Variants in GNB1 observed in about 807,000 individuals in gnomAD.
The protein encoded by GNB1 is G protein subunit beta 1, also known as guanine nucleotide-binding protein G(I)/G(S)/G(T) subunit beta-1.
In GNB1, 2 loss-of-function variants were observed where a neutral mutation model predicts 42.9. That is an observed-to-expected ratio of 0.05 (90% CI 0.02 to 0.15). The LOEUF is 0.15. GNB1 is among the 10% of genes least tolerant of loss of function. The probability of loss-of-function intolerance (pLI) is 1.00; values close to 1 mark genes in which losing one functional copy is unlikely to be tolerated. For synonymous variants in GNB1, 183 were observed against 174.7 expected (o/e 1.05, Z -0.38); for missense variants, 193 against 462.2 (o/e 0.42, Z 5.34).
intron 1 of GNB1, among the ~76,000 whole-genome samples, chr1:1,879,708 G>T (rs1489018448): frequency 8.4e-6 from 1 of 118,502 alleles, no homozygotes; most frequent in Non-Finnish European, 1.8e-5. Flanking sequence ...CTGTCTCAGG[G>T]AAAAAAAAAA....
intron 1 of GNB1, among the ~76,000 whole-genome samples, chr1:1,878,803 C>T (rs1400941126): frequency 6.6e-6 from 1 of 152,138 alleles, no homozygotes; most frequent in Non-Finnish European, 1.5e-5. Context: ...CAGACAGAGC[C>T]TCCCCTAGCC....
At chr1:1,852,451 C>T (rs1269350326) in intron 1 of GNB1, among the ~76,000 whole-genome samples, 4 of 151,984 alleles carry the variant, frequency 2.6e-5, no homozygotes, top group Non-Finnish European at 5.9e-5. Context: ...AGGATGGTCT[C>T]GATCTCCTGA....
rs1227111583 is a variant in GNB1, at chr1:1,786,104, A to G, written c.*959T>C. The G allele has an allele frequency of 2.5e-6, 1 of 398,502 alleles. No homozygotes were observed. The highest frequency in any genetic ancestry group is 2.1e-5 in the African/African-American group (1 of 48,600). The allele number at this position is 398,502 out of a possible 1,614,324, so 24.7% of individuals were successfully genotyped here. A position where few individuals can be genotyped will look rare whatever the true frequency, so the allele number is the denominator to read the frequency against. On this transcript the variant is annotated 3_prime_UTR_variant, in exon 12 of 12. Coordinates refer to ENST00000378609, the MANE Select transcript of GNB1 (RefSeq NM_002074.5). ...AGAAAGTCTGAGATCATTATTTTCA[A>G]AACATTGATTTGTACATTGTTTCAT...
At chr1:1,873,976 G>A (rs903259307) in intron 1 of GNB1, among the ~76,000 whole-genome samples, 1 of 152,182 alleles carries the variant, frequency 6.6e-6, no homozygotes, top group Non-Finnish European at 1.5e-5. Context: ...AGGGGACTCA[G>A]CACTTTCACA....
chr1:1,786,218 A>C lies in GNB1; in HGVS notation c.*845T>G. On this transcript the variant is annotated 3_prime_UTR_variant, in exon 12 of 12. Transcript: ENST00000378609. ...TCCTAGTTGGGGGTGGGGTAGTGTTAGGCTATTATAAACTTCCCTCCAACT... is the reference window on the plus strand; with the variant it reads ...TCCTAGTTGGGGGTGGGGTAGTGTTCGGCTATTATAAACTTCCCTCCAACT... 1 of 396,632 alleles carries C rather than the reference A, an allele frequency of 2.5e-6. No individual in the cohort carries two copies. Among genetic ancestry groups the C allele is most frequent in the Non-Finnish European group, 4.4e-6 (1 of 225,088 alleles). The allele number at this position is 396,632 out of a possible 1,614,324, so 24.6% of individuals were successfully genotyped here.
At chr1:1,836,917 G>C (rs377358847) in intron 2 of GNB1, among the ~76,000 whole-genome samples, 1 of 140,862 alleles carries the variant, frequency 7.1e-6, no homozygotes, top group South Asian at 2.2e-4. Flanking sequence ...GGATGGTATC[G>C]AACAACTGGC....
At chr1:1,809,219 A>T (rs1270703951) in intron 5 of GNB1, among the ~76,000 whole-genome samples, 2 of 129,558 alleles carry the variant, frequency 1.5e-5, no homozygotes, top group Non-Finnish European at 3.1e-5. Context: ...TTTGAGAGAG[A>T]GTCTCACTCT....
chr1:1,787,370 C>T lies in GNB1; in HGVS notation c.984G>A (p.Ala328=), dbSNP rs139152573. Residue 328 remains alanine (A), a synonymous_variant, in exon 11 of 12, where the codon GCG becomes GCA. Coordinates refer to ENST00000378609, the MANE Select transcript of GNB1 (RefSeq NM_002074.5). This position sits in a 1 kb window ranked among gnomAD's most constrained non-coding sequence, Gnocchi z 4.4. ...TGAGGAAGCTATCCCAGGACCCTGT[C>T]GCCACAGCCATGCCATCGTCAGTCA... ...LGVTDDGMAV[A]TGSWDSFLKI... is the part of the protein sequence containing the mutation. 2.5e-5 allele frequency: 40 copies of T among 1,613,476 alleles called. No individual in the cohort carries two copies. Among genetic ancestry groups the T allele is most frequent in the East Asian group, 8.9e-5 (4 of 44,884 alleles).
intron 1 of GNB1, among the ~76,000 whole-genome samples, chr1:1,889,961 C>T (rs529488547): frequency 2.0e-5 from 3 of 152,144 alleles, no homozygotes; most frequent in Non-Finnish European, 4.4e-5. Flanking sequence ...TCCTCTCCCC[C>T]ACCTTCGGGC....
intron 7 of GNB1, among the ~76,000 whole-genome samples, chr1:1,796,639 G>C (rs921923354): frequency 6.6e-6 from 1 of 152,212 alleles, no homozygotes; most frequent in Non-Finnish European, 1.5e-5. Context: ...CCTGGTGCGG[G>C]GGCCTGTGCT....
chr1:1,864,570 G>A (rs1648819593), intron 1 of GNB1, among the ~76,000 whole-genome samples: 1 of 152,066 alleles, frequency 6.6e-6, no homozygotes, highest in South Asian at 2.1e-4. Flanking sequence ...TCTGTGCCAT[G>A]AGGAGCATGT....
chr1:1,803,666 C>T (rs1193328537), intron 7 of GNB1, among the ~76,000 whole-genome samples: 1 of 152,150 alleles, frequency 6.6e-6, no homozygotes, highest in Non-Finnish European at 1.5e-5. Flanking sequence ...ATTACTGTGA[C>T]TTTTATTTGA....
intron 1 of GNB1, among the ~76,000 whole-genome samples, chr1:1,888,499 C>A (rs1051274553): frequency 6.6e-6 from 1 of 152,136 alleles, no homozygotes; most frequent in Non-Finnish European, 1.5e-5. Context: ...GCCTCTGGAC[C>A]CTGCAGTTGC....
At chr1:1,847,250 T>TA (rs1232437474) in intron 1 of GNB1, among the ~76,000 whole-genome samples, 1 of 152,162 alleles carries the variant, frequency 6.6e-6, no homozygotes, top group East Asian at 1.9e-4. Context: ...GGGGAAGAGA[T>TA]AAACACCAGT....
Position 1,880,050 on chromosome 1 carries a change from G to A in GNB1, c.-96+10770C>T, listed in dbSNP as rs934556582. ...AGGCTCCATCAATCCTCCTGCCTCA[G>A]CCTCCCCAGTAGATGGGACCACAGG... On this transcript the variant is annotated intron_variant, in intron 1 of 11. Transcript: ENST00000378609. Among the ~76,000 whole-genome samples, 6 of 151,590 alleles carry A rather than the reference G, an allele frequency of 4.0e-5. No homozygotes were observed. The South Asian group carries it at 1.3e-3, about 32-fold the overall frequency.
intron 1 of GNB1, among the ~76,000 whole-genome samples, chr1:1,857,181 C>T (rs1648351737): frequency 6.6e-6 from 1 of 152,154 alleles, no homozygotes; most frequent in African/African-American, 2.4e-5. Context: ...AAAAGTCTAC[C>T]CAGTCTAGCC....
intron 2 of GNB1, among the ~76,000 whole-genome samples, chr1:1,829,669 G>T (rs962960547): frequency 6.6e-6 from 1 of 152,134 alleles, no homozygotes; most frequent in African/African-American, 2.4e-5. Context: ...AAACAAAAAC[G>T]AACAGTGTAC....
At chr1:1,860,734 G>C (rs974102780) in intron 1 of GNB1, among the ~76,000 whole-genome samples, 1 of 151,274 alleles carries the variant, frequency 6.6e-6, no homozygotes, top group East Asian at 1.9e-4. Context: ...GGGAGGAAGA[G>C]TCCCCACAAA....
chr1:1,808,205 C>T (rs529049683), intron 5 of GNB1, among the ~76,000 whole-genome samples: 217 of 152,006 alleles, frequency 1.4e-3, no homozygotes, highest in Non-Finnish European at 2.8e-3. Flanking sequence ...GGTTTCTCCA[C>T]GTTAATCAGG....
Sources: gnomAD v4.1 joint callset for allele counts (sites outside exome capture counted in the v4.1 genomes callset) on GRCh38, gnomAD v4.1.1 for gene constraint, Gnocchi (gnomAD v3.1) non-coding constraint, MANE v1.5 for transcripts, NCBI Gene and HGNC (gene_info 2026-07-23, HGNC 2026-07-21) for gene names.